Variants in BMPER observed in about 807,000 individuals in gnomAD.
BMPER encodes BMP binding endothelial regulator.
Under a neutral mutation model 87.3 loss-of-function variants are expected in BMPER, and 45 were observed. The ratio of observed to expected loss-of-function variants is 0.52; its 90% CI spans 0.41 to 0.66. BMPER has a LOEUF of 0.66. Ranked by LOEUF, BMPER falls within the 30% of genes least tolerant of loss-of-function variation. The pLI is 0.00. For missense variants in BMPER, 784 were observed against 867.5 expected, an observed-to-expected ratio of 0.90 and a Z score of 1.21; for synonymous variants, 326 against 316.2, an observed-to-expected ratio of 1.03 and a Z score of -0.33.
intron 13 of BMPER, among the ~76,000 whole-genome samples, chr7:34,142,506 A>G (rs1241706218): frequency 6.6e-6 from 1 of 152,178 alleles, no homozygotes; most frequent in Admixed American, 6.5e-5. Flanking sequence ...TTTCCGTTCA[A>G]TTTATGTCCT....
chr7:33,955,461 G>A (rs1785127478), intron 3 of BMPER, among the ~76,000 whole-genome samples: 1 of 152,146 alleles, frequency 6.6e-6, no homozygotes, highest in African/African-American at 2.4e-5. Flanking sequence ...GGTAAAAGAG[G>A]TGGCAGATAG....
At chr7:33,947,134 T>C (rs539334673) in intron 3 of BMPER, among the ~76,000 whole-genome samples, 5 of 152,322 alleles carry the variant, frequency 3.3e-5, no homozygotes, top group African/African-American at 1.2e-4. Flanking sequence ...TTGAAAAAAC[T>C]CAATATTGTT....
chr7:34,108,560 ATT>A (rs1258436993), intron 13 of BMPER, among the ~76,000 whole-genome samples: 1 of 152,194 alleles, frequency 6.6e-6, no homozygotes, highest in African/African-American at 2.4e-5. Context: ...TGGCTCTCTT[ATT>A]TAAGGGTGGA....
At chr7:34,041,443 A>G (rs1191033931) in intron 6 of BMPER, among the ~76,000 whole-genome samples, 1 of 152,108 alleles carries the variant, frequency 6.6e-6, no homozygotes, top group Non-Finnish European at 1.5e-5. Flanking sequence ...TGTAGATTAG[A>G]CTATTCTTTG....
intron 13 of BMPER, among the ~76,000 whole-genome samples, chr7:34,088,363 G>A (rs1235127335): frequency 6.6e-6 from 1 of 152,224 alleles, no homozygotes; most frequent in African/African-American, 2.4e-5. Flanking sequence ...ACCTGAAAGG[G>A]AGAGTGGCCA....
At chr7:34,066,763 A>G (rs1051717191) in intron 11 of BMPER, among the ~76,000 whole-genome samples, 4 of 152,228 alleles carry the variant, frequency 2.6e-5, no homozygotes, top group African/African-American at 9.6e-5. Context: ...CATGGAAATA[A>G]TACATAGGGT....
At chr7:33,966,689 A>C (rs1785415219) in intron 4 of BMPER, 128 bp downstream of exon 4, 3 of 844,382 alleles carry the variant, frequency 3.6e-6, no homozygotes, top group South Asian at 2.9e-5. Context: ...ATGAAAAAGC[A>C]ACTGTATCCT....
chr7:34,139,900 A>G, intron 13 of BMPER, among the ~76,000 whole-genome samples: 1 of 152,174 alleles, frequency 6.6e-6, no homozygotes, highest in East Asian at 1.9e-4. Context: ...TTGTGATGAA[A>G]ATTCCTAGGT....
chr7:34,007,699 G>C (rs1053095901), intron 6 of BMPER, among the ~76,000 whole-genome samples: 1 of 151,704 alleles, frequency 6.6e-6, no homozygotes, highest in East Asian at 2.0e-4. Context: ...TAGGTATAGG[G>C]GTAATTTATT....
chr7:33,932,358 C>T (rs984780606), intron 2 of BMPER, among the ~76,000 whole-genome samples: 6 of 152,320 alleles, frequency 3.9e-5, no homozygotes, highest in Admixed American at 1.3e-4. Context: ...ATTGTTCACT[C>T]GGGCAGAAAA....
intron 11 of BMPER, chr7:34,067,393 G>T (rs939208791): frequency 2.0e-5 from 3 of 151,686 alleles, no homozygotes; most frequent in African/African-American, 7.3e-5. Flanking sequence ...TATTTCCCTA[G>T]AAAAAAAACC....
At position 33,937,510 on chromosome 7, in the gene BMPER, T is replaced by G; in HGVS notation, c.319+122T>G. 3 of 724,674 alleles carry G rather than the reference T, an allele frequency of 4.1e-6. No individual in the cohort carries two copies. In the South Asian group the frequency reaches 4.6e-5, roughly 11 times the overall value. The allele number at this position is 724,674 out of a possible 1,614,324, so 44.9% of individuals were successfully genotyped here. On this transcript the variant is annotated intron_variant, in intron 3 of 14. Transcript: ENST00000649409. The stretch of plus-strand genomic sequence containing the variant: ...GGTGCACATGGGTGGGGAGGAGAAG[T>G]AGGGTGTGTGTGTGTGTGTGTGTGT...
intron 7 of BMPER, 150 bp downstream of exon 7, chr7:34,046,555 G>C (rs1221972398): frequency 1.2e-6 from 1 of 845,422 alleles, no homozygotes; most frequent in African/African-American, 1.7e-5. Context: ...TACAGAAGTG[G>C]AAGGTGTGTA....
Position 34,143,221 on chromosome 7 carries a change from G to C in BMPER, c.1746-9G>C. 1 of 1,613,632 alleles carries C rather than the reference G, an allele frequency of 6.2e-7. No individual in the cohort carries two copies. The highest frequency in any genetic ancestry group is 2.2e-5 in the East Asian group (1 of 44,882). On this transcript the variant is annotated splice_polypyrimidine_tract_variant and intron_variant, in intron 13 of 14. Transcript: ENST00000649409. ...TTAAATGTTTCTATCTCTCTTTTGG[G>C]TCCTATAGGTCCTGTGTGACAGACA...
chr7:33,910,728 T>C (rs186521504), intron 2 of BMPER, among the ~76,000 whole-genome samples: 22 of 152,308 alleles, frequency 1.4e-4, no homozygotes, highest in African/African-American at 5.3e-4. Context: ...GCTCCACCTG[T>C]CTTGGAGCCA....
chr7:34,038,779 C>T (rs553480336), intron 6 of BMPER, among the ~76,000 whole-genome samples: 15 of 152,240 alleles, frequency 9.9e-5, no homozygotes, highest in South Asian at 6.2e-4. Context: ...GTGTCTTCAT[C>T]GAGCTTTGCT....
intron 6 of BMPER, chr7:34,042,740 G>A (rs1202416640): frequency 6.6e-6 from 1 of 152,180 alleles, no homozygotes; most frequent in African/African-American, 2.4e-5. Context: ...TTTTATTGAG[G>A]TTTTGTTTCA....
intron 2 of BMPER, among the ~76,000 whole-genome samples, chr7:33,908,880 A>G (rs553418477): frequency 3.9e-5 from 6 of 152,272 alleles, no homozygotes; most frequent in Non-Finnish European, 8.8e-5. Flanking sequence ...AACGTTTGTA[A>G]TGACTTGGTA....
intron 11 of BMPER, among the ~76,000 whole-genome samples, chr7:34,065,199 ACTCACTCTCTCTCTCTCTCTCTCT>A (rs1320245270): frequency 2.1e-5 from 2 of 94,164 alleles, no homozygotes; most frequent in East Asian, 3.0e-4. Flanking sequence ...ACACATACAC[ACTCACTCTCTCTCTCTCTCTCTCT>A]CTCTCTCTCT....
Sources: allele counts gnomAD v4.1 joint callset (sites outside exome capture counted in the v4.1 genomes callset), GRCh38; gene constraint gnomAD v4.1.1; transcripts MANE v1.5; gene names NCBI Gene and HGNC (gene_info 2026-07-23, HGNC 2026-07-21).